LYPLAL1: variants seen among roughly 807,000 people sequenced by gnomAD.
LYPLAL1 encodes lysophospholipase-like protein 1.
In LYPLAL1, 23 loss-of-function variants were observed where a neutral mutation model predicts 19.7. That is an observed-to-expected ratio of 1.17 (90% CI 0.84 to 1.65). The LOEUF is 1.65. LYPLAL1 is among the 40% of genes most tolerant of loss of function. The pLI is 0.00. For missense variants in LYPLAL1, 355 were observed against 279.4 expected, an observed-to-expected ratio of 1.27 and a Z score of -1.93; for synonymous variants, 119 against 96.3, an observed-to-expected ratio of 1.24 and a Z score of -1.38.
the LYPLAL1 span, among the ~76,000 whole-genome samples, chr1:219,404,918 C>A: frequency 6.6e-6 from 1 of 152,242 alleles, no homozygotes; most frequent in Admixed American, 6.5e-5. Context: ...TCATCCAGGA[C>A]AGTGCTTTAT....
chr1:219,248,242 T>A, the LYPLAL1 span, among the ~76,000 whole-genome samples: 1 of 152,176 alleles, frequency 6.6e-6, no homozygotes, highest in Non-Finnish European at 1.5e-5. Context: ...GTGCTGCTCT[T>A]TGAAAATATA....
the LYPLAL1 span, among the ~76,000 whole-genome samples, chr1:219,298,162 T>G: frequency 6.6e-6 from 1 of 151,910 alleles, no homozygotes; most frequent in Non-Finnish European, 1.5e-5. Context: ...ACATAAAAAT[T>G]TGTCAGGCAT....
the LYPLAL1 span, among the ~76,000 whole-genome samples, chr1:219,439,941 T>C: frequency 7.0e-6 from 1 of 142,352 alleles, no homozygotes; most frequent in African/African-American, 2.8e-5. Flanking sequence ...TTTAATTGTC[T>C]TAAGAAGACA....
chr1:219,288,669 G>A, the LYPLAL1 span, among the ~76,000 whole-genome samples: 1 of 152,172 alleles, frequency 6.6e-6, no homozygotes, highest in Non-Finnish European at 1.5e-5. Context: ...TGATATTGAT[G>A]TGCCAATGTC....
chr1:219,429,709 C>G, the LYPLAL1 span, among the ~76,000 whole-genome samples: 6 of 152,082 alleles, frequency 3.9e-5, no homozygotes, highest in Non-Finnish European at 7.4e-5. Flanking sequence ...CCTATTTTCC[C>G]ATTGCCCTGG....
chr1:219,390,928 A>G, the LYPLAL1 span, among the ~76,000 whole-genome samples: 1 of 152,174 alleles, frequency 6.6e-6, no homozygotes, highest in Non-Finnish European at 1.5e-5. Context: ...GAGAAAATGT[A>G]TCACCCCTTT....
At chr1:219,190,186 A>G (rs1657040645) in intron 2 of LYPLAL1, among the ~76,000 whole-genome samples, 1 of 151,614 alleles carries the variant, frequency 6.6e-6, no homozygotes, top group Non-Finnish European at 1.5e-5. Flanking sequence ...ATGATATAGA[A>G]CGAGCACCAT....
chr1:219,386,607 A>G, the LYPLAL1 span, among the ~76,000 whole-genome samples: 5 of 152,238 alleles, frequency 3.3e-5, no homozygotes, highest in East Asian at 7.7e-4. Context: ...CAATCTTAAG[A>G]CATCTCAAGG....
Position 219,184,988 on chromosome 1 carries a change from C to T in LYPLAL1, c.191+5742C>T, listed in dbSNP as rs1219144803. 3.3e-5 allele frequency among the ~76,000 whole-genome samples: 5 copies of T among 151,950 alleles called. No homozygotes were observed. In the East Asian group the frequency reaches 9.7e-4, roughly 29 times the overall value. The stretch of plus-strand genomic sequence containing the variant: ...CTCTGTGTCTGAGTTTATGTTATTT[C>T]TTCCTTAAATATTTGATAAAATTCA... On this transcript the variant is annotated intron_variant, in intron 2 of 4. Transcript: ENST00000366928.
chr1:219,175,149 C>A, intron 1 of LYPLAL1: 1 of 954,386 alleles, frequency 1.0e-6, no homozygotes, highest in Non-Finnish European at 1.2e-6. Context: ...GCAGCTTGGC[C>A]AAGGTCTCTT....
chr1:219,342,729 AAGTGTCC>A, the LYPLAL1 span, among the ~76,000 whole-genome samples: 1 of 152,308 alleles, frequency 6.6e-6, no homozygotes, highest in South Asian at 2.1e-4. Context: ...AAATTCAGTC[AAGTGTCC>A]AGTGGAATGA....
At chr1:219,206,051 G>A (rs1326132561) in intron 3 of LYPLAL1, among the ~76,000 whole-genome samples, 30 of 152,030 alleles carry the variant, frequency 2.0e-4, no homozygotes, top group Admixed American at 2.0e-3. Flanking sequence ...AATGGTAATG[G>A]ACTTTATTGC....
At chr1:219,377,529 T>C in the LYPLAL1 span, among the ~76,000 whole-genome samples, 1 of 152,142 alleles carries the variant, frequency 6.6e-6, no homozygotes, top group South Asian at 2.1e-4. Flanking sequence ...AGTAAAAAAG[T>C]ATACTTGAAC....
intron 1 of LYPLAL1, chr1:219,175,054 T>C (rs1655699123): frequency 1.0e-6 from 1 of 985,208 alleles, no homozygotes; most frequent in African/African-American, 1.7e-5. Context: ...TGGAAGGGAA[T>C]TGGAAAGGTA....
At chr1:219,302,155 A>G in the LYPLAL1 span, among the ~76,000 whole-genome samples, 1 of 152,200 alleles carries the variant, frequency 6.6e-6, no homozygotes, top group Non-Finnish European at 1.5e-5. Context: ...TCTTAAATGT[A>G]GGTCCATCTA....
At chr1:219,393,838 G>T in the LYPLAL1 span, among the ~76,000 whole-genome samples, 1 of 151,366 alleles carries the variant, frequency 6.6e-6, no homozygotes, top group African/African-American at 2.4e-5. Flanking sequence ...GTTCAAGTTT[G>T]TCACTTTTGG....
the LYPLAL1 span, among the ~76,000 whole-genome samples, chr1:219,425,375 C>T: frequency 6.6e-6 from 1 of 152,220 alleles, no homozygotes; most frequent in South Asian, 2.1e-4. Flanking sequence ...TGCCCAAGTT[C>T]ACAGCTAATT....
chr1:219,211,615 A>T lies in LYPLAL1; in HGVS notation c.601A>T (p.Thr201Ser). The T allele has an allele frequency of 6.2e-7, 1 of 1,613,470 alleles. No individual in the cohort carries two copies. The highest frequency in any genetic ancestry group is 8.5e-7 in the Non-Finnish European group (1 of 1,179,586). ...AATGTTAAAATCTCTAGGAGTGACC[A>T]CGAAGTTTCATAGTTTTCCAAATGT... ...NSMLKSLGVT[T>S]KFHSFPNVYH... The change falls in exon 5 of 5, where the codon ACG becomes TCG. Residue 201 changes from threonine to serine, a missense_variant. Coordinates refer to ENST00000366928, the MANE Select transcript of LYPLAL1 (RefSeq NM_138794.5).
the LYPLAL1 span, among the ~76,000 whole-genome samples, chr1:219,394,554 G>A: frequency 6.6e-6 from 1 of 152,022 alleles, no homozygotes; most frequent in Non-Finnish European, 1.5e-5. Context: ...AATTACACTG[G>A]GTACCACATA....
Sources: gnomAD v4.1 joint callset for allele counts (sites outside exome capture counted in the v4.1 genomes callset) on GRCh38, gnomAD v4.1.1 for gene constraint, MANE v1.5 for transcripts, NCBI Gene and HGNC (gene_info 2026-07-23, HGNC 2026-07-21) for gene names.